The following TBC1D5 variants were observed in gnomAD, a reference collection of about 807,000 sequenced individuals.
The protein encoded by TBC1D5 is TBC1 domain family member 5.
In TBC1D5, 75 loss-of-function variants were observed where a neutral mutation model predicts 100.3. That is an observed-to-expected ratio of 0.75 (90% CI 0.62 to 0.91). The LOEUF (loss-of-function observed/expected upper bound fraction) is 0.91, where lower values mean the gene tolerates loss of function less well. TBC1D5 is among the 40% of genes least tolerant of loss of function. The probability of loss-of-function intolerance (pLI) is 0.00; values close to 1 mark genes in which losing one functional copy is unlikely to be tolerated. For synonymous variants in TBC1D5, 323 were observed against 325.6 expected (o/e 0.99, Z 0.09); for missense variants, 910 against 942.4 (o/e 0.97, Z 0.45).
chr3:17,691,347 A>T (rs1246403577), intron 1 of TBC1D5, among the ~76,000 whole-genome samples: 2 of 152,212 alleles, frequency 1.3e-5, no homozygotes, highest in Non-Finnish European at 2.9e-5. Flanking sequence ...AGAATGTTTT[A>T]TCAATTCTCC....
intron 21 of TBC1D5, among the ~76,000 whole-genome samples, chr3:17,161,466 G>A (rs915238586): frequency 6.6e-6 from 1 of 152,366 alleles, no homozygotes; most frequent in Non-Finnish European, 1.5e-5. Context: ...GAGCCCCTCT[G>A]AAGCCAAATG....
At chr3:17,276,048 G>C (rs1191457484) in intron 15 of TBC1D5, among the ~76,000 whole-genome samples, 1 of 152,148 alleles carries the variant, frequency 6.6e-6, no homozygotes, top group African/African-American at 2.4e-5. Context: ...CTGTGTCTTA[G>C]TCTGTTTGGA....
chr3:17,161,261 G>T lies in TBC1D5; in HGVS notation c.2095-5C>A. 6.2e-7 allele frequency: 1 copy of T among 1,605,308 alleles called. No individual in the cohort carries two copies. The highest frequency in any genetic ancestry group is 8.5e-7 in the Non-Finnish European group (1 of 1,174,990). ...CCCTGGCGTTTCTGAAGAGGCCTGT[G>T]AAGTACAGTCAGAAGTACAGGTGGA... On this transcript the variant is annotated splice_region_variant and splice_polypyrimidine_tract_variant and intron_variant, in intron 21 of 21. Coordinates refer to ENST00000253692, the Ensembl canonical transcript of TBC1D5.
chr3:17,646,130 T>C (rs2064992943), intron 1 of TBC1D5, among the ~76,000 whole-genome samples: 1 of 152,050 alleles, frequency 6.6e-6, no homozygotes, highest in African/African-American at 2.4e-5. Context: ...AGGGTAAATT[T>C]GGATGCAGAC....
At chr3:17,349,878 G>T (rs1344722947) in intron 13 of TBC1D5, among the ~76,000 whole-genome samples, 1 of 152,124 alleles carries the variant, frequency 6.6e-6, no homozygotes, top group East Asian at 1.9e-4. Flanking sequence ...CCTAATGAAA[G>T]CAGTTAACAC....
At chr3:17,258,388 T>A in intron 16 of TBC1D5, 118 bp downstream of exon 16, 1 of 919,890 alleles carries the variant, frequency 1.1e-6, no homozygotes, top group South Asian at 1.6e-5. Context: ...TTAACAAAGA[T>A]TCCTTATGTA....
chr3:17,514,084 A>G (rs544602472), intron 2 of TBC1D5, among the ~76,000 whole-genome samples: 12 of 152,326 alleles, frequency 7.9e-5, no homozygotes, highest in Admixed American at 3.9e-4. Context: ...GACAAAGAGT[A>G]AAGTTTTATT....
At chr3:17,679,807 G>C (rs938133161) in intron 1 of TBC1D5, among the ~76,000 whole-genome samples, 3 of 151,386 alleles carry the variant, frequency 2.0e-5, no homozygotes, top group Admixed American at 6.6e-5. Context: ...TCTTTGAATA[G>C]AGTTTGGTCA....
intron 4 of TBC1D5, among the ~76,000 whole-genome samples, chr3:17,409,054 C>G (rs1426445029): frequency 6.6e-6 from 1 of 152,148 alleles, no homozygotes; most frequent in Non-Finnish European, 1.5e-5. Context: ...GCAATCAGTA[C>G]ATTACAGGAG....
chr3:17,504,589 AG>A (rs1407186738), intron 3 of TBC1D5, among the ~76,000 whole-genome samples: 1 of 152,194 alleles, frequency 6.6e-6, no homozygotes, highest in Non-Finnish European at 1.5e-5. Context: ...CAGACAGACA[AG>A]AAGACAGCCA....
chr3:17,315,737 C>T (rs924495423), intron 13 of TBC1D5, among the ~76,000 whole-genome samples: 1 of 152,088 alleles, frequency 6.6e-6, no homozygotes, highest in African/African-American at 2.4e-5. Flanking sequence ...TGAGAATAAG[C>T]AAAGGTTATT....
intron 7 of TBC1D5, 96 bp from the exon 8 acceptor site, chr3:17,403,344 T>A (rs1288782524): frequency 7.7e-6 from 6 of 779,296 alleles, no homozygotes; most frequent in Non-Finnish European, 1.1e-5. Context: ...AATTTATTCT[T>A]CTCTGAGATC....
intron 15 of TBC1D5, among the ~76,000 whole-genome samples, chr3:17,281,698 G>A (rs1351540207): frequency 5.3e-5 from 8 of 152,148 alleles, no homozygotes; most frequent in African/African-American, 1.2e-4. Context: ...AAATGTCAAA[G>A]CATATATTTA....
At chr3:17,346,797 A>T (rs141371327) in intron 13 of TBC1D5, among the ~76,000 whole-genome samples, 32 of 152,322 alleles carry the variant, frequency 2.1e-4, no homozygotes, top group Non-Finnish European at 3.7e-4. Flanking sequence ...ATTGTCCCAA[A>T]TAGATAATAA....
intron 10 of TBC1D5, among the ~76,000 whole-genome samples, chr3:17,376,121 G>A (rs149097875): frequency 3.1e-4 from 47 of 152,214 alleles, no homozygotes; most frequent in African/African-American, 1.0e-3. Context: ...TATGAATTAA[G>A]CTGAGTCAAA....
chr3:17,619,464 CTACAGATAGAAATCTAA>C (rs2062464872), intron 2 of TBC1D5, among the ~76,000 whole-genome samples: 1 of 152,134 alleles, frequency 6.6e-6, no homozygotes, highest in Non-Finnish European at 1.5e-5. Context: ...ATAAATTCCA[CTACAGATAGAAATCTAA>C]TATCTGTAAA....
chr3:17,503,532 A>G (rs2095809379), intron 3 of TBC1D5, among the ~76,000 whole-genome samples: 1 of 149,538 alleles, frequency 6.7e-6, no homozygotes, highest in Admixed American at 6.6e-5. Flanking sequence ...AGGCACTCAA[A>G]TATTTACTGA....
At chr3:17,538,271 G>A (rs541827691) in intron 2 of TBC1D5, among the ~76,000 whole-genome samples, 1 of 152,190 alleles carries the variant, frequency 6.6e-6, no homozygotes, top group African/African-American at 2.4e-5. Context: ...CTAACAGATA[G>A]AAAACACTCG....
At chr3:17,214,054 T>C (rs1013791464) in intron 18 of TBC1D5, among the ~76,000 whole-genome samples, 153 bp downstream of exon 19, 2 of 151,784 alleles carry the variant, frequency 1.3e-5, no homozygotes, top group African/African-American at 4.8e-5. Flanking sequence ...ATTACTAAAG[T>C]AAAATAATAA....
Sources: gnomAD v4.1 joint callset for allele counts (sites outside exome capture counted in the v4.1 genomes callset) on GRCh38, gnomAD v4.1.1 for gene constraint, MANE v1.5 for transcripts, NCBI Gene and HGNC (gene_info 2026-07-23, HGNC 2026-07-21) for gene names.